The following CACNB2 variants were observed in gnomAD, a reference collection of about 807,000 sequenced individuals.
The protein encoded by CACNB2 is calcium voltage-gated channel auxiliary subunit beta 2, also known as voltage-dependent L-type calcium channel subunit beta-2.
Under a neutral mutation model 73.3 loss-of-function variants are expected in CACNB2, and 42 were observed. That is an observed-to-expected ratio of 0.57 (90% confidence interval 0.45 to 0.74). The LOEUF (loss-of-function observed/expected upper bound fraction) is 0.74, where lower values mean the gene tolerates loss of function less well. Among genes scored for constraint, CACNB2 ranks in the 30% least tolerant of loss-of-function variants. The pLI, the probability that CACNB2 is intolerant of heterozygous loss-of-function variation, is 0.00. For synonymous variants in CACNB2, 348 were observed against 310.3 expected (o/e 1.12, Z -1.28); for missense variants, 940 against 853.0 (o/e 1.10, Z -1.27).
rs145357614 is a variant in CACNB2 at position 18,315,124 on chromosome 10, G to A, written c.214-86800G>A. ...ACGCCGGCCGATGACCTGAGGTCAG[G>A]AGTTCGAGACCAGCCTGGCCAACAC... On this transcript the variant is annotated intron_variant, in intron 2 of 13. Transcript: ENST00000324631. Among the ~76,000 whole-genome samples the A allele has an allele frequency of 4.7e-3, 723 of 152,234 alleles. 4 individuals carry two copies. The highest frequency in any genetic ancestry group is 6.8e-3 in the Middle Eastern group (2 of 294).
chr10:18,436,377 G>A (rs1423204127), intron 3 of CACNB2, among the ~76,000 whole-genome samples: 2 of 152,162 alleles, frequency 1.3e-5, no homozygotes, highest in African/African-American at 4.8e-5. Context: ...GTCTGTTCAT[G>A]GAGAACAAAG....
chr10:18,280,306 A>G (rs977113964), intron 2 of CACNB2, among the ~76,000 whole-genome samples: 1 of 152,170 alleles, frequency 6.6e-6, no homozygotes, highest in South Asian at 2.1e-4. Flanking sequence ...AGTGCTTTAC[A>G]TATGTTCATG....
intron 3 of CACNB2, among the ~76,000 whole-genome samples, chr10:18,439,166 G>A (rs1045040987): frequency 2.6e-5 from 4 of 152,174 alleles, no homozygotes; most frequent in African/African-American, 9.7e-5. Context: ...GGAGGATTGG[G>A]GGCTTATATA....
chr10:18,522,385 CTG>C (rs2051986166), intron 9 of CACNB2, among the ~76,000 whole-genome samples: 1 of 152,158 alleles, frequency 6.6e-6, no homozygotes. Flanking sequence ...TTTAATGAAA[CTG>C]GTCCCTGGTG....
At chr10:18,307,200 C>A (rs892844680) in intron 2 of CACNB2, among the ~76,000 whole-genome samples, 2 of 152,116 alleles carry the variant, frequency 1.3e-5, no homozygotes, top group Admixed American at 6.5e-5. Context: ...CACGTGGCTC[C>A]CGCTTGTAAT....
intron 2 of CACNB2, among the ~76,000 whole-genome samples, chr10:18,362,613 G>A (rs889386659): frequency 3.3e-5 from 5 of 152,154 alleles, no homozygotes; most frequent in African/African-American, 4.8e-5. Context: ...AGTCCATAAC[G>A]TGTTAAAAGT....
chr10:18,459,001 G>A (rs890509314), intron 3 of CACNB2, among the ~76,000 whole-genome samples: 4 of 151,922 alleles, frequency 2.6e-5, no homozygotes, highest in Admixed American at 2.6e-4. Flanking sequence ...CTCACCTCAG[G>A]TCATCTCCCC....
chr10:18,385,314 C>T (rs1036471023), intron 2 of CACNB2, among the ~76,000 whole-genome samples: 3 of 151,012 alleles, frequency 2.0e-5, no homozygotes, highest in Non-Finnish European at 3.0e-5. Context: ...TATCCCACCT[C>T]CAGAGGCTCT....
At chr10:18,357,135 G>C (rs1003366799) in intron 2 of CACNB2, among the ~76,000 whole-genome samples, 16 of 150,070 alleles carry the variant, frequency 1.1e-4, no homozygotes, top group African/African-American at 3.7e-4. Context: ...AGTAGAGACG[G>C]GGTTTCACCG....
Position 18,340,415 on chromosome 10 carries a change from G to A in CACNB2, c.214-61509G>A, listed in dbSNP as rs183301673. ...AGAGAAAATATTTCTTCAGTGGGTG[G>A]GAGTAGAAAAATATTTTTACTTTTA... On this transcript the variant is annotated intron_variant, in intron 2 of 13. Coordinates refer to ENST00000324631, the MANE Select transcript of CACNB2 (RefSeq NM_201596.3). Among the ~76,000 whole-genome samples, 7 of 152,218 alleles carry A rather than the reference G, an allele frequency of 4.6e-5. No homozygotes were observed. In the East Asian group the frequency reaches 5.8e-4, roughly 13 times the overall value.
At chr10:18,286,893 GT>G (rs1483387715) in intron 2 of CACNB2, among the ~76,000 whole-genome samples, 1 of 152,178 alleles carries the variant, frequency 6.6e-6, no homozygotes, top group Non-Finnish European at 1.5e-5. Flanking sequence ...TCACATTCAA[GT>G]TCATGACCCT....
At chr10:18,255,430 A>G (rs1472330035) in intron 2 of CACNB2, among the ~76,000 whole-genome samples, 1 of 152,118 alleles carries the variant, frequency 6.6e-6, no homozygotes, top group East Asian at 1.9e-4. Context: ...ACATTCTCAT[A>G]GTATTCTGTA....
At chr10:18,236,752 C>T (rs12255976) in intron 2 of CACNB2, among the ~76,000 whole-genome samples, 1,590 of 152,254 alleles carry the variant, frequency 0.01, 25 homozygotes, top group African/African-American at 0.036. Context: ...CTGAAGCCAT[C>T]GGTAACCTTG....
intron 2 of CACNB2, among the ~76,000 whole-genome samples, chr10:18,340,165 C>CTA (rs1022114740): frequency 3.3e-5 from 5 of 151,958 alleles, no homozygotes; most frequent in Admixed American, 1.3e-4. Context: ...ATAGTAATAC[C>CTA]TATATATATA....
intron 3 of CACNB2, among the ~76,000 whole-genome samples, chr10:18,460,008 GA>G (rs1564573383): frequency 2.6e-5 from 4 of 151,792 alleles, no homozygotes; most frequent in Admixed American, 2.0e-4. Context: ...AAAAGAAAAG[GA>G]AAAAAAGTCG....
intron 2 of CACNB2, among the ~76,000 whole-genome samples, chr10:18,395,902 T>G (rs1345607568): frequency 6.6e-6 from 1 of 152,224 alleles, no homozygotes; most frequent in Admixed American, 6.5e-5. Flanking sequence ...CTTGGCACGC[T>G]ATGTCATTTT....
intron 2 of CACNB2, among the ~76,000 whole-genome samples, chr10:18,265,149 C>CTTTTTTT (rs34442607): frequency 5.0e-5 from 6 of 120,938 alleles, no homozygotes; most frequent in Admixed American, 8.5e-5. Flanking sequence ...TGGCCATCTT[C>CTTTTTTT]TTTTTTTTTT....
At chr10:18,485,500 G>T (rs2049007199) in intron 3 of CACNB2, among the ~76,000 whole-genome samples, 1 of 113,210 alleles carries the variant, frequency 8.8e-6, no homozygotes, top group African/African-American at 3.3e-5. Flanking sequence ...CAAATAAGTG[G>T]ATAAAAAAAA....
chr10:18,220,245 A>AGGGGGGG (rs1463327947), intron 2 of CACNB2, among the ~76,000 whole-genome samples: 5 of 98,244 alleles, frequency 5.1e-5, no homozygotes, highest in African/African-American at 2.7e-4. Context: ...AGAGAGAGAG[A>AGGGGGGG]GAGAGAGAGA....
Sources: gnomAD v4.1 joint callset for allele counts (sites outside exome capture counted in the v4.1 genomes callset) on GRCh38, gnomAD v4.1.1 for gene constraint, MANE v1.5 for transcripts, NCBI Gene and HGNC (gene_info 2026-07-23, HGNC 2026-07-21) for gene names.